Variants in FBXO47 observed in about 807,000 individuals in gnomAD.
The protein encoded by FBXO47 is F-box protein 47.
A neutral mutation model predicts 53.9 loss-of-function variants in FBXO47; 34 were observed. That is an observed-to-expected ratio of 0.63 (90% CI 0.48 to 0.84). FBXO47 has a LOEUF of 0.84. FBXO47 is among the 40% of genes least tolerant of loss of function. The pLI, the probability that FBXO47 is intolerant of heterozygous loss-of-function variation, is 0.00. For synonymous variants in FBXO47, 165 were observed against 181.6 expected (o/e 0.91, Z 0.73); for missense variants, 485 against 541.3 (o/e 0.90, Z 1.03).
In FBXO47 at chr17:38,938,726, C is replaced by A; in HGVS notation, c.1090G>T (p.Glu364Ter). ...CAATCCATGCAGTACAGTTCTTTCT[C>A]ACACACCTGATTTAGACATATAAAG... is the stretch of plus-strand genomic sequence containing the variant. Reference protein sequence around the residue: ...RLVVFLALVCEKELYCMDWTV... With the variant: ...RLVVFLALVC The change falls in exon 10 of 11, where the codon GAG becomes TAG. Residue 364 changes from glutamate (E) to a stop codon, truncating the protein, a stop_gained. Transcript: ENST00000378079. LOFTEE classifies it high-confidence loss of function. The A allele has an allele frequency of 6.3e-7, 1 of 1,585,588 alleles. No individual in the cohort carries two copies. Among genetic ancestry groups the A allele is most frequent in the South Asian group, 1.1e-5 (1 of 88,984 alleles).
chr17:38,965,744 ATGGTGGCAC>A (rs1352720249), intron 1 of FBXO47, among the ~76,000 whole-genome samples: 70 of 131,546 alleles, frequency 5.3e-4, no homozygotes, highest in Non-Finnish European at 9.6e-4. Context: ...TTAGCCGGGC[ATGGTGGCAC>A]GCGACTGTAG....
At chr17:38,949,294 C>T (rs1292184935) in intron 6 of FBXO47, among the ~76,000 whole-genome samples, 2 of 151,986 alleles carry the variant, frequency 1.3e-5, no homozygotes, top group Admixed American at 6.6e-5. Flanking sequence ...GTGGTATGTG[C>T]CTGTAGTCCC....
intron 6 of FBXO47, among the ~76,000 whole-genome samples, chr17:38,951,028 G>C (rs1025270913): frequency 1.8e-4 from 28 of 151,966 alleles, no homozygotes; most frequent in African/African-American, 6.8e-4. Context: ...AGCCTCCTGA[G>C]CAGCTGAAAC....
At chr17:38,965,706 T>C (rs1361686647) in intron 1 of FBXO47, among the ~76,000 whole-genome samples, 1 of 56,154 alleles carries the variant, frequency 1.8e-5, no homozygotes, top group Non-Finnish European at 3.7e-5. Flanking sequence ...ACCCCTTCTC[T>C]ACTAAAAAAA....
At chr17:38,939,709 G>A (rs1434616479) in intron 9 of FBXO47, among the ~76,000 whole-genome samples, 3 of 124,184 alleles carry the variant, frequency 2.4e-5, no homozygotes, top group Non-Finnish European at 4.7e-5. Context: ...CGCCCAGGCC[G>A]GACTGCGGAC....
Position 38,944,962 on chromosome 17 carries a change from T to A in FBXO47, c.791A>T (p.Asp264Val). Residue 264 changes from aspartate to valine, a missense_variant and splice_region_variant, in exon 7 of 11, where the codon GAT becomes GTT. Physicochemically the swap from Asp to Val is radical, Grantham distance 152. Transcript: ENST00000378079. Reference sequence around the variant, plus strand: ...AACCCTGAAAGATGGGTGCTCACCATCTTGAGGAGATATTGGCCCAAAGAT... The same window carrying A: ...AACCCTGAAAGATGGGTGCTCACCAACTTGAGGAGATATTGGCCCAAAGAT... ...YIIFGPISPQDGQVVWQEMIE... is the reference protein window; with the variant it reads ...YIIFGPISPQVGQVVWQEMIE... 2.5e-6 allele frequency: 4 copies of A among 1,613,310 alleles called. No individual in the cohort carries two copies. The highest frequency in any genetic ancestry group is 2.2e-5 in the East Asian group (1 of 44,830).
chr17:38,941,620 T>TTTTATA lies in FBXO47; in HGVS notation c.1083+1157_1083+1158insTATAAA, dbSNP rs1555560016. Among the ~76,000 whole-genome samples, 302 of 115,174 alleles carry TTTTATA rather than the reference T, an allele frequency of 2.6e-3. 1 individual carries two copies. Among genetic ancestry groups the TTTTATA allele is most frequent in the African/African-American group, 8.3e-3 (271 of 32,758 alleles). 75.6% of individuals were successfully genotyped at this position (115,174 alleles called of 152,430 possible). ...AAATGAATATTAAATAAATATAATA[T>TTTTATA]TATATATATATATATATATATATAT... On this transcript the variant is annotated intron_variant, in intron 9 of 10. Coordinates refer to ENST00000378079, the MANE Select transcript of FBXO47 (RefSeq NM_001008777.3).
intron 9 of FBXO47, among the ~76,000 whole-genome samples, chr17:38,942,461 G>A (rs1294584826): frequency 6.6e-6 from 1 of 152,056 alleles, no homozygotes; most frequent in Non-Finnish European, 1.5e-5. Flanking sequence ...GGGCATAGTG[G>A]TGCATGCCTT....
chr17:38,944,594 C>T (rs1404939362), intron 7 of FBXO47, among the ~76,000 whole-genome samples: 5 of 150,232 alleles, frequency 3.3e-5, no homozygotes, highest in Admixed American at 6.7e-5. Context: ...CCCAGCTACT[C>T]GGGTGGCTGA....
Position 38,961,873 on chromosome 17 carries a change from T to C in FBXO47, c.352+4A>G, listed in dbSNP as rs1165677484. On this transcript the variant is annotated splice_donor_region_variant and intron_variant, in intron 3 of 10. Coordinates refer to ENST00000378079, the MANE Select transcript of FBXO47 (RefSeq NM_001008777.3). Reference sequence around the variant, plus strand: ...CTTGTTGCAATTCTCATTACATAAGTTACCTAGAGATCTGTAGTGCTCCAG... The same window carrying C: ...CTTGTTGCAATTCTCATTACATAAGCTACCTAGAGATCTGTAGTGCTCCAG... 9 of 1,607,324 alleles carry C rather than the reference T, an allele frequency of 5.6e-6. No individual in the cohort carries two copies. Among genetic ancestry groups the C allele is most frequent in the Non-Finnish European group, 5.9e-6 (7 of 1,178,274 alleles).
At chr17:38,950,529 G>A (rs1905221139) in intron 6 of FBXO47, among the ~76,000 whole-genome samples, 1 of 146,440 alleles carries the variant, frequency 6.8e-6, no homozygotes, top group Non-Finnish European at 1.5e-5. Flanking sequence ...CTAACTCCTA[G>A]GCTCAAGTAA....
chr17:38,942,799 C>T lies in FBXO47; in HGVS notation c.1062G>A (p.Arg354=). ...TTACCAAAGCCAAAAAGACTACGAG[C>T]CTTGCCAGTTCAATGGTGCGTCCAT... The part of the protein sequence containing the change: ...AVNGRTIELA[R]LVVFLALVCE... Residue 354 remains arginine, a synonymous_variant, in exon 9 of 11, where the codon AGG becomes AGA. Coordinates refer to ENST00000378079, the MANE Select transcript of FBXO47 (RefSeq NM_001008777.3). 6.2e-7 allele frequency: 1 copy of T among 1,610,756 alleles called. No homozygotes were observed. Among genetic ancestry groups the T allele is most frequent in the African/African-American group, 1.3e-5 (1 of 74,854 alleles).
chr17:38,943,612 G>A lies in FBXO47; in HGVS notation c.918C>T (p.Ile306=). 1 of 1,592,314 alleles carries A rather than the reference G, an allele frequency of 6.3e-7. No individual in the cohort carries two copies. Among genetic ancestry groups the A allele is most frequent in the Non-Finnish European group, 8.5e-7 (1 of 1,171,604 alleles). Residue 306 remains isoleucine, a synonymous_variant, in exon 8 of 11, where the codon ATC becomes ATT. Coordinates refer to ENST00000378079, the MANE Select transcript of FBXO47 (RefSeq NM_001008777.3). ...STKEWTADDV[I]SLVDELSVVP... ...TACCTGATAGTTCATCTACAAGACT[G>A]ATAACATCATCTGCTGTCCACTCTT...
intron 6 of FBXO47, among the ~76,000 whole-genome samples, chr17:38,945,414 T>A (rs1904709399): frequency 6.6e-6 from 1 of 152,084 alleles, no homozygotes; most frequent in South Asian, 2.1e-4. Context: ...CTTGTACAAT[T>A]TTGGATTTAA....
At chr17:38,942,634 T>C in intron 9 of FBXO47, 144 bp downstream of exon 9, 1 of 567,268 alleles carries the variant, frequency 1.8e-6, no homozygotes, top group Non-Finnish European at 3.0e-6. Context: ...TTTTAATATT[T>C]TGAAAAAGAA....
At chr17:38,941,812 C>A (rs962927355) in intron 9 of FBXO47, among the ~76,000 whole-genome samples, 11 of 150,818 alleles carry the variant, frequency 7.3e-5, no homozygotes, top group African/African-American at 2.4e-4. Flanking sequence ...TAGCTGGGAC[C>A]ACAGATGTTG....
chr17:38,937,206 T>C lies in FBXO47; in HGVS notation c.1328A>G (p.Tyr443Cys). ...AQANFHKEVL[Y>C]LTMNTPLST ...AGACAGAGGAGTATTCATGGTCAAA[T>C]ACAGGACCTCCTTATGGAAGTTAGC... is the stretch of plus-strand genomic sequence containing the variant. The change falls in exon 11 of 11, where the codon TAT (tyrosine) becomes TGT (cysteine). Residue 443 changes from tyrosine to cysteine, a missense_variant. Transcript: ENST00000378079. The C allele has an allele frequency of 6.3e-7, 1 of 1,598,930 alleles. No homozygotes were observed. Among genetic ancestry groups the C allele is most frequent in the Non-Finnish European group, 8.6e-7 (1 of 1,167,416 alleles).
In FBXO47 at chr17:38,951,524, C is replaced by T. The variant is rs2143934826; in HGVS notation, c.616+57G>A. On this transcript the variant is annotated intron_variant, in intron 6 of 10. Coordinates refer to ENST00000378079, the MANE Select transcript of FBXO47 (RefSeq NM_001008777.3). ...TACTTTTAATTACATTTTTAAAACTCTGTTTATTTTTTCTATTTTAATCTC... is the reference window on the plus strand; with the variant it reads ...TACTTTTAATTACATTTTTAAAACTTTGTTTATTTTTTCTATTTTAATCTC... The T allele has an allele frequency of 3.8e-6, 5 of 1,307,184 alleles. No individual in the cohort carries two copies. The East Asian group carries it at 1.0e-4, about 27-fold the overall frequency. 81.0% of individuals were successfully genotyped at this position (1,307,184 alleles called of 1,614,324 possible).
At chr17:38,952,504 G>T (rs951681574) in intron 5 of FBXO47, among the ~76,000 whole-genome samples, 1 of 151,584 alleles carries the variant, frequency 6.6e-6, no homozygotes, top group South Asian at 2.1e-4. Flanking sequence ...TGGAAAGGAA[G>T]TATCTTTTCA....
Sources: gnomAD v4.1 joint callset for allele counts (sites outside exome capture counted in the v4.1 genomes callset) on GRCh38, gnomAD v4.1.1 for gene constraint, MANE v1.5 for transcripts, NCBI Gene and HGNC (gene_info 2026-07-23, HGNC 2026-07-21) for gene names.